The following SLIT2 variants were observed in gnomAD, a reference collection of about 807,000 sequenced individuals.
SLIT2 encodes the protein slit homolog 2 protein.
In SLIT2, 41 loss-of-function variants were observed where a neutral mutation model predicts 185.7. The observed-to-expected ratio is 0.22, with a 90% CI of 0.17 to 0.29. SLIT2 has a LOEUF of 0.29. Ranked by LOEUF, SLIT2 falls within the 10% of genes least tolerant of loss-of-function variation. SLIT2 has a pLI of 1.00. For synonymous variants in SLIT2, 693 were observed against 680.2 expected (o/e 1.02, Z -0.29); for missense variants, 1,571 against 1,909.0 (o/e 0.82, Z 3.30).
chr4:20,466,709 A>G (rs1008200843), intron 4 of SLIT2, among the ~76,000 whole-genome samples: 1 of 152,064 alleles, frequency 6.6e-6, no homozygotes, highest in Non-Finnish European at 1.5e-5. Flanking sequence ...TCTGTCCAAT[A>G]TGCCTTCTCA....
intron 4 of SLIT2, among the ~76,000 whole-genome samples, chr4:20,369,631 G>T (rs1309254392): frequency 1.3e-5 from 2 of 152,020 alleles, no homozygotes; most frequent in East Asian, 3.9e-4. Flanking sequence ...CTTTTCCAGA[G>T]CACACAGGAA....
intron 4 of SLIT2, among the ~76,000 whole-genome samples, chr4:20,441,025 C>A (rs1729699831): frequency 1.3e-5 from 2 of 149,946 alleles, no homozygotes; most frequent in African/African-American, 4.9e-5. Context: ...TTATTCAGAG[C>A]CACAACGGGA....
intron 5 of SLIT2, among the ~76,000 whole-genome samples, chr4:20,475,996 G>A (rs564927126): frequency 6.6e-5 from 10 of 152,206 alleles, no homozygotes; most frequent in African/African-American, 2.2e-4. Flanking sequence ...AAATTACTTT[G>A]GGGTCCTCAG....
At chr4:20,485,363 G>A (rs1348602111) in intron 6 of SLIT2, among the ~76,000 whole-genome samples, 1 of 151,866 alleles carries the variant, frequency 6.6e-6, no homozygotes, top group African/African-American at 2.4e-5. Context: ...TAGCCATTTG[G>A]GAAATATTTG....
chr4:20,258,132 A>C (rs1712048187), intron 3 of SLIT2, among the ~76,000 whole-genome samples, 193 bp downstream of exon 3: 1 of 151,904 alleles, frequency 6.6e-6, no homozygotes, highest in Non-Finnish European at 1.5e-5. Flanking sequence ...CTTGTAATTA[A>C]GCTCAAAAAT....
intron 4 of SLIT2, among the ~76,000 whole-genome samples, chr4:20,412,271 CTT>C (rs915051879): frequency 4.0e-5 from 6 of 150,170 alleles, no homozygotes; most frequent in African/African-American, 1.2e-4. Flanking sequence ...TTTGCTGACT[CTT>C]GATTCTCACC....
chr4:20,477,167 A>G (rs566627992), intron 5 of SLIT2, among the ~76,000 whole-genome samples: 1 of 151,936 alleles, frequency 6.6e-6, no homozygotes, highest in Non-Finnish European at 1.5e-5. Context: ...AAAAAAAAAA[A>G]AAAGAATGTT....
At chr4:20,545,992 T>C (rs1259801986) in intron 21 of SLIT2, 39 bp from the exon 22 acceptor site, 2 of 1,184,616 alleles carry the variant, frequency 1.7e-6, no homozygotes, top group African/African-American at 1.5e-5. Context: ...AAGGCCACCA[T>C]TACTTTGTAA....
At position 20,484,561 on chromosome 4, in the gene SLIT2, G is replaced by T. The variant is rs568714328; in HGVS notation, c.540-1639G>T. On this transcript the variant is annotated intron_variant, in intron 6 of 36. Transcript: ENST00000504154. The surrounding 1 kb of genome is among the most constrained non-coding windows in gnomAD (Gnocchi z 4.3). Reference sequence around the variant, plus strand: ...CATGATCTGGGTCTCTAGCTGACATGCCCTGTTTTACTGAAAAGTTTTTGT... The same window carrying T: ...CATGATCTGGGTCTCTAGCTGACATTCCCTGTTTTACTGAAAAGTTTTTGT... Among the ~76,000 whole-genome samples the T allele has an allele frequency of 3.3e-5, 5 of 152,210 alleles. No homozygotes were observed. The highest frequency in any genetic ancestry group is 5.9e-5 in the Non-Finnish European group (4 of 67,990).
chr4:20,385,080 A>G (rs993725506), intron 4 of SLIT2, among the ~76,000 whole-genome samples: 1 of 152,100 alleles, frequency 6.6e-6, no homozygotes, highest in African/African-American at 2.4e-5. Flanking sequence ...CACTGAGACT[A>G]GATTTGCTGG....
At chr4:20,329,818 C>A (rs2109195242) in intron 4 of SLIT2, among the ~76,000 whole-genome samples, 1 of 152,120 alleles carries the variant, frequency 6.6e-6, no homozygotes. Context: ...ATGCTAGCAT[C>A]ATAACCAGCC....
intron 4 of SLIT2, among the ~76,000 whole-genome samples, chr4:20,366,167 GCTCCTCTCTA>G (rs1723101643): frequency 6.6e-6 from 1 of 151,688 alleles, no homozygotes. Context: ...CTCTCTTATT[GCTCCTCTCTA>G]CTCCTCTTTG....
rs1299774097 is a variant in SLIT2 at position 20,484,420 on chromosome 4, G to A, written c.540-1780G>A. ...TAGGTAAACTGAGCCAACAAATCCA[G>A]TGCTCTGTAGGTCCCCCATAAAGTG... On this transcript the variant is annotated intron_variant, in intron 6 of 36. Coordinates refer to ENST00000504154, the MANE Select transcript of SLIT2 (RefSeq NM_004787.4). This position sits in a 1 kb window ranked among gnomAD's most constrained non-coding sequence, Gnocchi z 4.3. 6.6e-6 allele frequency among the ~76,000 whole-genome samples: 1 copy of A among 152,126 alleles called. No homozygotes were observed. The highest frequency in any genetic ancestry group is 1.9e-4 in the East Asian group (1 of 5,190).
chr4:20,369,799 G>T lies in SLIT2; in HGVS notation c.396-97953G>T, dbSNP rs372701843. On this transcript the variant is annotated intron_variant, in intron 4 of 36. Transcript: ENST00000504154. ...GCCTGTCTATTGCTCACCATATCTGGAGGTATTTGAAGTTTCTGTGTTTTA... is the reference window on the plus strand; with the variant it reads ...GCCTGTCTATTGCTCACCATATCTGTAGGTATTTGAAGTTTCTGTGTTTTA... 2.0e-5 allele frequency among the ~76,000 whole-genome samples: 3 copies of T among 152,134 alleles called. No individual in the cohort carries two copies. In the South Asian group the frequency reaches 6.2e-4, roughly 32 times the overall value.
chr4:20,523,645 G>A (rs1338896676), intron 12 of SLIT2, 115 bp from the exon 13 acceptor site: 8 of 767,154 alleles, frequency 1.0e-5, no homozygotes, highest in African/African-American at 7.0e-5. Flanking sequence ...TAAAATGTTA[G>A]TGTTGAGGTG....
At chr4:20,590,937 T>G (rs2148950461) in intron 30 of SLIT2, among the ~76,000 whole-genome samples, 1 of 152,270 alleles carries the variant, frequency 6.6e-6, no homozygotes, top group African/African-American at 2.4e-5. Context: ...TATAAGAAAT[T>G]TTATAGTTTA....
intron 6 of SLIT2, among the ~76,000 whole-genome samples, chr4:20,482,270 T>C (rs16869662): frequency 0.17 from 25,499 of 151,940 alleles, 2,173 homozygotes; most frequent in Middle Eastern, 0.24. Flanking sequence ...ATGCAAAGTT[T>C]GCTATCTTGG....
At chr4:20,344,146 C>T (rs1721192218) in intron 4 of SLIT2, among the ~76,000 whole-genome samples, 1 of 152,166 alleles carries the variant, frequency 6.6e-6, no homozygotes, top group Admixed American at 6.5e-5. Flanking sequence ...CCGCGCCCGG[C>T]CACAAAGTAT....
At chr4:20,447,100 G>A (rs916544428) in intron 4 of SLIT2, among the ~76,000 whole-genome samples, 2 of 152,126 alleles carry the variant, frequency 1.3e-5, no homozygotes, top group South Asian at 2.1e-4. Context: ...AAGGGAGAGC[G>A]ATTCTTCAGC....
Sources: gnomAD v4.1 joint callset for allele counts (sites outside exome capture counted in the v4.1 genomes callset) on GRCh38, gnomAD v4.1.1 for gene constraint, Gnocchi (gnomAD v3.1) non-coding constraint, MANE v1.5 for transcripts, NCBI Gene and HGNC (gene_info 2026-07-23, HGNC 2026-07-21) for gene names.